Variants in MED13 observed in about 807,000 individuals in gnomAD.
MED13 encodes mediator complex subunit 13.
A neutral mutation model predicts 225.2 loss-of-function variants in MED13; 23 were observed. The ratio of observed to expected loss-of-function variants is 0.10; its 90% CI spans 0.07 to 0.14. The LOEUF (loss-of-function observed/expected upper bound fraction) is 0.14, where lower values mean the gene tolerates loss of function less well. Ranked by LOEUF, MED13 falls within the 10% of genes least tolerant of loss-of-function variation. The probability of loss-of-function intolerance (pLI) is 1.00; values close to 1 mark genes in which losing one functional copy is unlikely to be tolerated. For missense variants in MED13, 2,197 were observed against 2,594.5 expected (o/e 0.85, Z 3.33); for synonymous variants, 942 against 889.2 (o/e 1.06, Z -1.06).
At chr17:61,968,731 G>T (rs895763782) in intron 17 of MED13, among the ~76,000 whole-genome samples, 1 of 152,098 alleles carries the variant, frequency 6.6e-6, no homozygotes, top group Non-Finnish European at 1.5e-5. Flanking sequence ...CAACATTAAG[G>T]AATTTCCTAA....
At chr17:61,948,869 G>C (rs369621248) in intron 28 of MED13, among the ~76,000 whole-genome samples, 1 of 150,610 alleles carries the variant, frequency 6.6e-6, no homozygotes, top group African/African-American at 2.4e-5. Context: ...GGCGGATCAC[G>C]AGGTCAGGAG....
chr17:61,958,203 T>C (rs1940370855), intron 23 of MED13, among the ~76,000 whole-genome samples: 1 of 151,724 alleles, frequency 6.6e-6, no homozygotes, highest in Non-Finnish European at 1.5e-5. Context: ...AGTCTAACTC[T>C]ATCACCCAGG....
At position 61,954,528 on chromosome 17, in the gene MED13, G is replaced by A. The variant is rs150737698; in HGVS notation, c.5968+854C>T. Among the ~76,000 whole-genome samples, 169 of 152,212 alleles carry A rather than the reference G, an allele frequency of 1.1e-3. 3 individuals are homozygous for A. The East Asian group carries it at 0.025, about 23-fold the overall frequency. On this transcript the variant is annotated intron_variant, in intron 26 of 29. Transcript: ENST00000397786. ...ATGGTGGCTCATGTTTATAATCCCCGCACTTTGGGAGGCCAAGGTGGGTGG... is the reference window on the plus strand; with the variant it reads ...ATGGTGGCTCATGTTTATAATCCCCACACTTTGGGAGGCCAAGGTGGGTGG...
intron 3 of MED13, among the ~76,000 whole-genome samples, chr17:62,052,270 C>T (rs922420254): frequency 3.9e-5 from 6 of 151,950 alleles, no homozygotes; most frequent in South Asian, 2.1e-4. Flanking sequence ...GCTTTCATCC[C>T]ACATTAAGTC....
chr17:61,991,720 G>C (rs2080300786), intron 11 of MED13, among the ~76,000 whole-genome samples: 1 of 152,142 alleles, frequency 6.6e-6, no homozygotes, highest in Non-Finnish European at 1.5e-5. Context: ...ATGTTGGCCA[G>C]GATGGTCTCA....
rs931301826 is a variant in MED13 at position 61,946,043 on chromosome 17, G to T, written c.*425C>A. On this transcript the variant is annotated 3_prime_UTR_variant, in exon 30 of 30. Coordinates refer to ENST00000397786, the MANE Select transcript of MED13 (RefSeq NM_005121.3). ...ACAATAAATAAGAGAAGAGATGCAG[G>T]CATTTTTGAATACTAGATACTATAA... The T allele has an allele frequency of 6.6e-6, 1 of 152,552 alleles. No individual in the cohort carries two copies. The highest frequency in any genetic ancestry group is 1.5e-5 in the Non-Finnish European group (1 of 68,332). 9.4% of individuals were successfully genotyped at this position (152,552 alleles called of 1,614,324 possible). A position where few individuals can be genotyped will look rare whatever the true frequency, so the allele number is the denominator to read the frequency against.
intron 26 of MED13, 67 bp from the exon 27 acceptor site, chr17:61,953,180 G>C (rs1282844923): frequency 6.1e-6 from 9 of 1,477,018 alleles, no homozygotes; most frequent in Non-Finnish European, 8.2e-6. Flanking sequence ...TCACAGGAAA[G>C]GGTCAAAATA....
chr17:61,958,718 C>T (rs1483913188), intron 23 of MED13, among the ~76,000 whole-genome samples: 1 of 152,108 alleles, frequency 6.6e-6, no homozygotes, highest in East Asian at 1.9e-4. Context: ...GGTGATCCGC[C>T]CACCTTGCCC....
At chr17:62,051,069 T>C (rs2080952696) in intron 3 of MED13, among the ~76,000 whole-genome samples, 2 of 152,200 alleles carry the variant, frequency 1.3e-5, no homozygotes, top group African/African-American at 4.8e-5. Context: ...CATTTCCACT[T>C]CTTTGATCTT....
intron 20 of MED13, among the ~76,000 whole-genome samples, chr17:61,963,479 TC>T (rs1362216255): frequency 6.6e-6 from 1 of 152,110 alleles, no homozygotes; most frequent in African/African-American, 2.4e-5. Context: ...TATATATATA[TC>T]TTTTTTTTGA....
intron 3 of MED13, among the ~76,000 whole-genome samples, chr17:62,037,673 A>T (rs542187390): frequency 7.5e-4 from 111 of 148,784 alleles, no homozygotes; most frequent in African/African-American, 2.7e-3. Flanking sequence ...TCTCAAAAAA[A>T]AAAAAAAAAA....
chr17:61,971,887 C>A (rs558640826), intron 17 of MED13, among the ~76,000 whole-genome samples: 1 of 151,962 alleles, frequency 6.6e-6, no homozygotes, highest in Non-Finnish European at 1.5e-5. Flanking sequence ...TGAGCCAAGA[C>A]GGCGCCAGTG....
At chr17:61,994,233 G>A (rs999095219) in intron 10 of MED13, among the ~76,000 whole-genome samples, 1 of 152,084 alleles carries the variant, frequency 6.6e-6, no homozygotes, top group Admixed American at 6.6e-5. Flanking sequence ...TCCAGACCTA[G>A]TGATCCACCC....
intron 8 of MED13, among the ~76,000 whole-genome samples, chr17:62,029,058 G>T (rs2080729779): frequency 6.6e-6 from 1 of 152,058 alleles, no homozygotes; most frequent in Non-Finnish European, 1.5e-5. Context: ...CTACTTGGGA[G>T]GCTGGGGCAG....
intron 2 of MED13, 142 bp downstream of exon 2, chr17:62,062,925 G>A (rs2081052751): frequency 1.6e-6 from 1 of 608,270 alleles, no homozygotes; most frequent in Non-Finnish European, 2.8e-6. Flanking sequence ...TAATCATGGT[G>A]AAATAAAACA....
chr17:62,011,029 T>C lies in MED13; in HGVS notation c.1488A>G (p.Arg496=). 1 of 1,614,148 alleles carries C rather than the reference T, an allele frequency of 6.2e-7. No individual in the cohort carries two copies. The highest frequency in any genetic ancestry group is 1.1e-5 in the South Asian group (1 of 91,082). ...GACTGTCTGGAGCAGAGATCACAAG[T>C]CTTTGGCTGGCTGAATCTGCGTCCA... ...VGMDADSASQ[R]LVISAPDSQV... The change falls in exon 9 of 30, where the codon AGA becomes AGG. Residue 496 remains arginine (R), a synonymous_variant. Coordinates refer to ENST00000397786, the MANE Select transcript of MED13 (RefSeq NM_005121.3).
chr17:61,997,164 C>T (rs967762016), intron 9 of MED13, among the ~76,000 whole-genome samples: 8 of 152,228 alleles, frequency 5.3e-5, no homozygotes, highest in Admixed American at 2.6e-4. Context: ...TTCACTAATG[C>T]CTAACACTAG....
At chr17:62,037,605 T>A (rs2080815227) in intron 3 of MED13, among the ~76,000 whole-genome samples, 2 of 145,898 alleles carry the variant, frequency 1.4e-5, no homozygotes, top group African/African-American at 5.1e-5. Flanking sequence ...AGACGCAGGT[T>A]GCAGTGAGCC....
At chr17:62,022,029 G>A (rs1316032236) in intron 8 of MED13, among the ~76,000 whole-genome samples, 1 of 151,954 alleles carries the variant, frequency 6.6e-6, no homozygotes, top group East Asian at 1.9e-4. Context: ...TAATCTGGAT[G>A]TGGTGGTATA....
Sources: gnomAD v4.1 joint callset for allele counts (sites outside exome capture counted in the v4.1 genomes callset) on GRCh38, gnomAD v4.1.1 for gene constraint, MANE v1.5 for transcripts, NCBI Gene and HGNC (gene_info 2026-07-23, HGNC 2026-07-21) for gene names.